The following CACNG2 variants were observed in gnomAD, a reference collection of about 807,000 sequenced individuals.
CACNG2 encodes the protein voltage-dependent calcium channel gamma-2 subunit.
Under a neutral mutation model 25.9 loss-of-function variants are expected in CACNG2, and 3 were observed. The observed-to-expected ratio is 0.12, with a 90% confidence interval of 0.05 to 0.30. The LOEUF (loss-of-function observed/expected upper bound fraction) is 0.30. Among genes scored for constraint, CACNG2 ranks in the 10% least tolerant of loss-of-function variants. CACNG2 has a pLI of 1.00. For missense variants in CACNG2, 341 were observed against 432.5 expected, an observed-to-expected ratio of 0.79 and a Z score of 1.88; for synonymous variants, 167 against 173.3, an observed-to-expected ratio of 0.96 and a Z score of 0.29.
intron 1 of CACNG2, among the ~76,000 whole-genome samples, chr22:36,639,399 A>T (rs1219435841): frequency 6.6e-6 from 1 of 152,158 alleles, no homozygotes; most frequent in African/African-American, 2.4e-5. Flanking sequence ...TCTGGACAGG[A>T]GGGGAAAGCG....
At chr22:36,672,753 C>T (rs1009924222) in intron 1 of CACNG2, among the ~76,000 whole-genome samples, 3 of 152,214 alleles carry the variant, frequency 2.0e-5, no homozygotes, top group African/African-American at 7.2e-5. Flanking sequence ...CATAAACACC[C>T]CACCCAGGCC....
intron 1 of CACNG2, among the ~76,000 whole-genome samples, chr22:36,693,556 T>TACCTTTCTGGGCTTCCC (rs1428037545): frequency 6.6e-6 from 1 of 152,180 alleles, no homozygotes; most frequent in Non-Finnish European, 1.5e-5. Context: ...CCTGGCTTCC[T>TACCTTTCTGGGCTTCCC]ACCTTTCTGG....
chr22:36,656,153 T>C (rs932156286), intron 1 of CACNG2, among the ~76,000 whole-genome samples: 8 of 152,320 alleles, frequency 5.3e-5, no homozygotes, highest in South Asian at 4.1e-4. Context: ...CAAGGGCTAC[T>C]GAAGACATTC....
chr22:36,571,887 A>AC (rs61101464), intron 2 of CACNG2, among the ~76,000 whole-genome samples: 13,094 of 151,292 alleles, frequency 0.087, 638 homozygotes, highest in Middle Eastern at 0.13. Flanking sequence ...AAAAACAAAA[A>AC]AAAAAAAAAA....
intron 1 of CACNG2, among the ~76,000 whole-genome samples, chr22:36,623,066 G>A (rs190099996): frequency 3.6e-3 from 465 of 129,596 alleles, no homozygotes; most frequent in Middle Eastern, 6.6e-3. Context: ...TCTCTCCCAG[G>A]CTGGAGTGCA....
chr22:36,582,233 A>G (rs1935429210), intron 2 of CACNG2, among the ~76,000 whole-genome samples: 1 of 151,914 alleles, frequency 6.6e-6, no homozygotes, highest in Admixed American at 6.6e-5. Context: ...ATCAGAGCAA[A>G]CCCCCAAATT....
intron 1 of CACNG2, 56 bp downstream of exon 1, chr22:36,702,310 G>C (rs1408848692): frequency 9.5e-7 from 1 of 1,052,972 alleles, no homozygotes; most frequent in African/African-American, 1.6e-5. Context: ...TGGGGAGGGG[G>C]GAGTGAAAGG....
intron 1 of CACNG2, among the ~76,000 whole-genome samples, chr22:36,619,813 A>G (rs542420533): frequency 6.6e-6 from 1 of 152,358 alleles, no homozygotes; most frequent in African/African-American, 2.4e-5. Context: ...TAGTCTTCCT[A>G]AGGTAAAAGA....
At chr22:36,565,021 G>A (rs1935102892) in intron 3 of CACNG2, 135 bp from the exon 4 acceptor site, 2 of 743,854 alleles carry the variant, frequency 2.7e-6, no homozygotes, top group South Asian at 1.5e-5. Flanking sequence ...TCATGAACAG[G>A]TGGGGCGGTG....
intron 1 of CACNG2, among the ~76,000 whole-genome samples, chr22:36,657,686 CT>C (rs550408330): frequency 6.6e-4 from 98 of 148,086 alleles, no homozygotes; most frequent in East Asian, 1.4e-3. Flanking sequence ...AATCCTAGAA[CT>C]TTTTTTTTTT....
At chr22:36,675,858 TCAA>T (rs1319619538) in intron 1 of CACNG2, among the ~76,000 whole-genome samples, 4 of 152,210 alleles carry the variant, frequency 2.6e-5, no homozygotes, top group East Asian at 1.9e-4. Context: ...ACAGCAACTA[TCAA>T]CAACAATAGG....
At chr22:36,643,264 TTTCC>T (rs945251065) in intron 1 of CACNG2, among the ~76,000 whole-genome samples, 13 of 150,702 alleles carry the variant, frequency 8.6e-5, no homozygotes, top group East Asian at 1.9e-4. Flanking sequence ...TTTCTCTCTC[TTTCC>T]TTCCTTCCTT....
intron 1 of CACNG2, among the ~76,000 whole-genome samples, chr22:36,627,288 G>GTC (rs1430259501): frequency 1.3e-5 from 2 of 150,404 alleles, no homozygotes; most frequent in Admixed American, 1.3e-4. Context: ...ACGTGTGTGT[G>GTC]TGTGTGTGTG....
At position 36,606,699 on chromosome 22, in the gene CACNG2, C is replaced by A. The variant is rs566633151; in HGVS notation, c.212-19151G>T. 6.6e-6 allele frequency among the ~76,000 whole-genome samples: 1 copy of A among 151,962 alleles called. No homozygotes were observed. The highest frequency in any genetic ancestry group is 2.4e-5 in the African/African-American group (1 of 41,412). On this transcript the variant is annotated intron_variant, in intron 1 of 3. Transcript: ENST00000300105. This position sits in a 1 kb window ranked among gnomAD's most constrained non-coding sequence, Gnocchi z 5.7. ...AAGTGAGGGCCAACCAGAGAGAGGA[C>A]AGGATGCTGAAGCCAGAAGTGTCAT... is the stretch of plus-strand genomic sequence containing the variant.
At chr22:36,689,331 A>G (rs578205351) in intron 1 of CACNG2, among the ~76,000 whole-genome samples, 54 of 152,300 alleles carry the variant, frequency 3.5e-4, no homozygotes, top group Admixed American at 3.5e-3. Context: ...GTCTCATGGA[A>G]CTCACATTCC....
intron 2 of CACNG2, among the ~76,000 whole-genome samples, chr22:36,573,933 C>T (rs1405189099): frequency 6.6e-6 from 1 of 151,820 alleles, no homozygotes; most frequent in Admixed American, 6.6e-5. Context: ...CAGCAGGAGC[C>T]GAAGGTGGAG....
rs529709280 is a variant in CACNG2, at chr22:36,661,035, C to T, written c.211+41331G>A. 1.7e-4 allele frequency among the ~76,000 whole-genome samples: 26 copies of T among 152,320 alleles called. 1 individual carries two copies. Among genetic ancestry groups the T allele is most frequent in the African/African-American group, 4.6e-4 (19 of 41,572 alleles). On this transcript the variant is annotated intron_variant, in intron 1 of 3. Transcript: ENST00000300105. ...TGATGCCAATGACCTGTGTCAGTGC[C>T]GGCACATGCTTTCTGAGTGCAGGCA...
intron 2 of CACNG2, among the ~76,000 whole-genome samples, chr22:36,584,329 A>C (rs986441347): frequency 3.9e-5 from 6 of 152,118 alleles, no homozygotes; most frequent in Non-Finnish European, 8.8e-5. Context: ...TGGCGCATGC[A>C]TGTAATCCCA....
At chr22:36,567,878 C>T (rs1935155082) in intron 2 of CACNG2, among the ~76,000 whole-genome samples, 1 of 152,092 alleles carries the variant, frequency 6.6e-6, no homozygotes, top group Non-Finnish European at 1.5e-5. Context: ...GAGACGGAGT[C>T]TTCCCCTGTC....
Sources: gnomAD v4.1 joint callset for allele counts (sites outside exome capture counted in the v4.1 genomes callset) on GRCh38, gnomAD v4.1.1 for gene constraint, Gnocchi (gnomAD v3.1) non-coding constraint, MANE v1.5 for transcripts, NCBI Gene and HGNC (gene_info 2026-07-23, HGNC 2026-07-21) for gene names.